The following DLEU7 variants were observed in gnomAD, a reference collection of about 807,000 sequenced individuals.
DLEU7 encodes leukemia-associated protein 7.
In DLEU7, 17 loss-of-function variants were observed where a neutral mutation model predicts 16.0. That is an observed-to-expected ratio of 1.06 (90% CI 0.73 to 1.59). The LOEUF (loss-of-function observed/expected upper bound fraction) is 1.59. DLEU7 is among the 40% of genes most tolerant of loss of function. The pLI is 0.00. For synonymous variants in DLEU7, 113 were observed against 139.8 expected, an observed-to-expected ratio of 0.81 and a Z score of 1.35; for missense variants, 308 against 314.9, an observed-to-expected ratio of 0.98 and a Z score of 0.17.
chr13:50,744,680 A>G (rs1874344140), intron 1 of DLEU7, among the ~76,000 whole-genome samples: 1 of 152,244 alleles, frequency 6.6e-6, no homozygotes, highest in Non-Finnish European at 1.5e-5. Flanking sequence ...CTAATAATGA[A>G]TTAATATGCA....
At chr13:50,741,584 T>C (rs1874250346) in intron 1 of DLEU7, among the ~76,000 whole-genome samples, 1 of 152,198 alleles carries the variant, frequency 6.6e-6, no homozygotes, top group Admixed American at 6.5e-5. Flanking sequence ...TCCTGTTTTA[T>C]TGCTGTTTCC....
chr13:50,826,246 G>A (rs916515169), intron 1 of DLEU7, among the ~76,000 whole-genome samples: 4 of 152,090 alleles, frequency 2.6e-5, no homozygotes, highest in Non-Finnish European at 5.9e-5. Context: ...GTGCGGTGTG[G>A]TTCCTAACAG....
At chr13:50,814,980 G>A (rs1876687220) in intron 1 of DLEU7, among the ~76,000 whole-genome samples, 1 of 151,868 alleles carries the variant, frequency 6.6e-6, no homozygotes, top group South Asian at 2.1e-4. Context: ...AATAATTTAT[G>A]AACAGAATCT....
At chr13:50,829,814 T>A (rs1470424287) in intron 1 of DLEU7, among the ~76,000 whole-genome samples, 1 of 152,150 alleles carries the variant, frequency 6.6e-6, no homozygotes, top group African/African-American at 2.4e-5. Context: ...TTCCAGAAGG[T>A]CTGAAGGCCA....
intron 1 of DLEU7, among the ~76,000 whole-genome samples, chr13:50,738,169 C>T (rs1372511849): frequency 6.6e-6 from 1 of 152,080 alleles, no homozygotes; most frequent in Non-Finnish European, 1.5e-5. Flanking sequence ...TTGGAACTAG[C>T]AGAGGTTGGT....
rs566506707 is a variant in DLEU7, at chr13:50,774,126, C to T, written c.460-60886G>A. 3.9e-5 allele frequency among the ~76,000 whole-genome samples: 6 copies of T among 152,228 alleles called. No homozygotes were observed. In the South Asian group the frequency reaches 1.2e-3, roughly 32 times the overall value. On this transcript the variant is annotated intron_variant, in intron 1 of 1. Coordinates refer to the DLEU7 transcript ENST00000400393. ...CCGTTTGCTAAGACTGTTGGAAAAG[C>T]ACAGTATTGGGGCTGGAGTGACCTG... is the stretch of plus-strand genomic sequence containing the variant.
At chr13:50,823,691 A>G (rs1408687418) in intron 1 of DLEU7, among the ~76,000 whole-genome samples, 171 bp from the exon 2 acceptor site, 2 of 152,130 alleles carry the variant, frequency 1.3e-5, no homozygotes, top group Admixed American at 1.3e-4. Flanking sequence ...ACCAAAGCTG[A>G]TCACAACTCC....
intron 1 of DLEU7, among the ~76,000 whole-genome samples, chr13:50,800,940 T>C (rs1158558924): frequency 6.6e-6 from 1 of 152,130 alleles, no homozygotes; most frequent in Admixed American, 6.5e-5. Context: ...ATGTGGACAG[T>C]ATCTAGAGAT....
chr13:50,838,177 A>G (rs1455181861), intron 1 of DLEU7, among the ~76,000 whole-genome samples: 3 of 152,202 alleles, frequency 2.0e-5, no homozygotes, highest in South Asian at 2.1e-4. Context: ...CAGCAGTTTT[A>G]TGACTGCTGC....
chr13:50,812,137 T>C (rs914735953), intron 1 of DLEU7, among the ~76,000 whole-genome samples: 75 of 152,096 alleles, frequency 4.9e-4, no homozygotes, highest in African/African-American at 1.7e-3. Context: ...TGTTTTGTTT[T>C]ATTTTATTCA....
intron 1 of DLEU7, among the ~76,000 whole-genome samples, chr13:50,808,377 A>G (rs935519296): frequency 1.3e-5 from 2 of 152,198 alleles, no homozygotes; most frequent in African/African-American, 2.4e-5. Flanking sequence ...TATGTAATAT[A>G]TCAAGATCTG....
At chr13:50,836,835 C>T (rs1002905657) in intron 1 of DLEU7, among the ~76,000 whole-genome samples, 1 of 152,178 alleles carries the variant, frequency 6.6e-6, no homozygotes, top group South Asian at 2.1e-4. Context: ...GAACACAAAT[C>T]CCTTCTCCAG....
intron 1 of DLEU7, among the ~76,000 whole-genome samples, chr13:50,715,918 T>C (rs1873427562): frequency 6.6e-6 from 1 of 152,234 alleles, no homozygotes; most frequent in African/African-American, 2.4e-5. Context: ...CTGGCACACC[T>C]TGCTGCTACC....
At chr13:50,802,284 A>G (rs1593401230) in intron 1 of DLEU7, among the ~76,000 whole-genome samples, 1 of 152,208 alleles carries the variant, frequency 6.6e-6, no homozygotes, top group South Asian at 2.1e-4. Flanking sequence ...GGAAGGTACA[A>G]TCAAGTTAAG....
chr13:50,833,033 T>C (rs1247477540), intron 1 of DLEU7, among the ~76,000 whole-genome samples: 1 of 152,178 alleles, frequency 6.6e-6, no homozygotes, highest in Non-Finnish European at 1.5e-5. Context: ...AACTAGGTAT[T>C]GATAAAACAT....
At position 50,804,366 on chromosome 13, in the gene DLEU7, C is replaced by G. The variant is rs1027332372; in HGVS notation, c.459+38822G>C. Among the ~76,000 whole-genome samples, 6 of 150,778 alleles carry G rather than the reference C, an allele frequency of 4.0e-5. No homozygotes were observed. In the South Asian group the frequency reaches 1.0e-3, roughly 26 times the overall value. On this transcript the variant is annotated intron_variant, in intron 1 of 1. Transcript: ENST00000400393. ...AATATAATATACTTTTATATCTGTT[C>G]AAGTGTTCTTTTGTGTCCACAAGAG...
rs149968773 is a variant in DLEU7 at position 50,760,587 on chromosome 13, T to C, written c.460-47347A>G. ...TATGTTGACCAGGCTGGTCTCAAAC[T>C]CCTGGCCTCAAGTGATCCTTCTGCC... is the stretch of plus-strand genomic sequence containing the variant. On this transcript the variant is annotated intron_variant, in intron 1 of 1. Coordinates refer to the DLEU7 transcript ENST00000400393. 5.0e-3 allele frequency among the ~76,000 whole-genome samples: 759 copies of C among 152,336 alleles called. 4 individuals carry two copies. The highest frequency in any genetic ancestry group is 8.0e-3 in the Non-Finnish European group (541 of 68,026).
intron 1 of DLEU7, among the ~76,000 whole-genome samples, chr13:50,731,528 G>A (rs1332572624): frequency 6.6e-6 from 1 of 152,162 alleles, no homozygotes; most frequent in African/African-American, 2.4e-5. Flanking sequence ...GGACAGATTG[G>A]AGCTGGCAGG....
chr13:50,841,305 T>C (rs1877650494), intron 1 of DLEU7, among the ~76,000 whole-genome samples: 1 of 152,212 alleles, frequency 6.6e-6, no homozygotes, highest in African/African-American at 2.4e-5. Flanking sequence ...GTAGTTCCTC[T>C]AGAGCCTCAG....
Sources: allele counts gnomAD v4.1 joint callset (sites outside exome capture counted in the v4.1 genomes callset), GRCh38; gene constraint gnomAD v4.1.1; transcripts MANE v1.5; gene names NCBI Gene and HGNC (gene_info 2026-07-23, HGNC 2026-07-21).